Variants in ABCC9 observed in about 807,000 individuals in gnomAD.
ABCC9 encodes the protein ATP-binding cassette sub-family C member 9.
In ABCC9, 95 loss-of-function variants were observed where a neutral mutation model predicts 188.3. That is an observed-to-expected ratio of 0.50 (90% CI 0.43 to 0.60). The LOEUF is 0.60. Ranked by LOEUF, ABCC9 falls within the 20% of genes least tolerant of loss-of-function variation. The pLI, the probability that ABCC9 is intolerant of heterozygous loss-of-function variation, is 0.00. For missense variants in ABCC9, 1,102 were observed against 1,876.3 expected, an observed-to-expected ratio of 0.59 and a Z score of 7.62; for synonymous variants, 659 against 652.7, an observed-to-expected ratio of 1.01 and a Z score of -0.15.
chr12:21,856,957 C>T (rs1260035792), intron 22 of ABCC9, among the ~76,000 whole-genome samples: 2 of 152,178 alleles, frequency 1.3e-5, no homozygotes. Flanking sequence ...CCGCATTTAG[C>T]TTGAGGATAC....
At chr12:21,818,486 C>CTATCTA (rs1942810624) in intron 31 of ABCC9, among the ~76,000 whole-genome samples, 1 of 136,066 alleles carries the variant, frequency 7.3e-6, no homozygotes, top group African/African-American at 2.8e-5. Context: ...CTATATCTAT[C>CTATCTA]TATATATATA....
chr12:21,841,585 C>G (rs968795220), intron 29 of ABCC9, among the ~76,000 whole-genome samples: 3 of 151,774 alleles, frequency 2.0e-5, no homozygotes, highest in Non-Finnish European at 4.4e-5. Flanking sequence ...TCTCGAACTC[C>G]TGACCTCACG....
chr12:21,936,725 C>G (rs113783657), intron 2 of ABCC9, 31 bp from the exon 3 acceptor site: 1 of 1,504,756 alleles, frequency 6.6e-7, no homozygotes, highest in East Asian at 2.3e-5. Flanking sequence ...AAAGAAAAAT[C>G]CTCTTATTAG....
chr12:21,803,672 AAAAC>A (rs1374997130), intron 39 of ABCC9, among the ~76,000 whole-genome samples: 15 of 152,096 alleles, frequency 9.9e-5, no homozygotes, highest in Admixed American at 7.9e-4. Context: ...AAAAAAAAAA[AAAAC>A]ATTGAAAAAT....
At chr12:21,859,920 C>T (rs1945420548) in intron 21 of ABCC9, among the ~76,000 whole-genome samples, 1 of 152,072 alleles carries the variant, frequency 6.6e-6, no homozygotes, top group Non-Finnish European at 1.5e-5. Flanking sequence ...TGTACAGAAG[C>T]ATTAATAACC....
At chr12:21,864,354 A>G (rs1945678525) in intron 19 of ABCC9, 85 bp downstream of exon 19, 1 of 1,030,888 alleles carries the variant, frequency 9.7e-7, no homozygotes, top group Admixed American at 1.8e-5. Flanking sequence ...ATACATTATC[A>G]GAGTAAGCAA....
At chr12:21,828,276 TACCAGG>T (rs1943508952) in intron 31 of ABCC9, 1 of 153,824 alleles carries the variant, frequency 6.5e-6, no homozygotes, top group African/African-American at 2.4e-5. Flanking sequence ...ATGAACCCCC[TACCAGG>T]GCAGGTACAA....
intron 17 of ABCC9, 151 bp from the exon 18 acceptor site, chr12:21,872,881 A>T (rs1057039307): frequency 1.2e-5 from 7 of 595,228 alleles, no homozygotes; most frequent in Non-Finnish European, 2.1e-5. Flanking sequence ...CCTTTCTCTG[A>T]TAAGTCTTTT....
intron 30 of ABCC9, among the ~76,000 whole-genome samples, chr12:21,830,895 A>G (rs1943714329): frequency 6.6e-6 from 1 of 152,142 alleles, no homozygotes. Context: ...AGGGATGAAT[A>G]TAGAGAACAA....
intron 22 of ABCC9, among the ~76,000 whole-genome samples, chr12:21,856,765 A>G (rs1945247401): frequency 6.6e-6 from 1 of 152,236 alleles, no homozygotes. Flanking sequence ...GAATAAAGAA[A>G]GGATAACAGG....
chr12:21,814,590 T>A (rs1942480032), intron 35 of ABCC9, 54 bp downstream of exon 35: 2 of 1,454,804 alleles, frequency 1.4e-6, no homozygotes, highest in Non-Finnish European at 1.9e-6. Context: ...AAATTGATGT[T>A]TTTTTAAAGG....
chr12:21,900,256 T>C (rs976713139), intron 12 of ABCC9, among the ~76,000 whole-genome samples: 2 of 152,110 alleles, frequency 1.3e-5, no homozygotes, highest in Non-Finnish European at 2.9e-5. Flanking sequence ...GTCCTGATTA[T>C]TAGAAGGAAA....
intron 16 of ABCC9, 132 bp downstream of exon 16, chr12:21,882,634 A>T: frequency 2.6e-6 from 2 of 761,772 alleles, no homozygotes; most frequent in Admixed American, 5.6e-5. Context: ...TTTTTTTTTA[A>T]ATGTTATTAG....
At chr12:21,846,007 AAATG>A (rs1375441989) in intron 25 of ABCC9, among the ~76,000 whole-genome samples, 175 bp from the exon 26 acceptor site, 2 of 152,172 alleles carry the variant, frequency 1.3e-5, no homozygotes, top group East Asian at 3.8e-4. Flanking sequence ...AATAGGTGAA[AAATG>A]AATGAATGAA....
chr12:21,931,782 G>A (rs1056971566), intron 4 of ABCC9, among the ~76,000 whole-genome samples: 1 of 152,106 alleles, frequency 6.6e-6, no homozygotes, highest in Admixed American at 6.6e-5. Flanking sequence ...GGCTATGCTA[G>A]TATAAATAAA....
intron 18 of ABCC9, among the ~76,000 whole-genome samples, chr12:21,865,789 A>C (rs781042951): frequency 1.3e-5 from 2 of 152,196 alleles, no homozygotes; most frequent in African/African-American, 2.4e-5. Context: ...CAGTTAAAAA[A>C]TATGCATTGA....
chr12:21,933,431 T>C (rs188506381), intron 4 of ABCC9, among the ~76,000 whole-genome samples: 2 of 152,180 alleles, frequency 1.3e-5, no homozygotes, highest in African/African-American at 4.8e-5. Flanking sequence ...AGTTTTGTGG[T>C]TTGCATCAAT....
chr12:21,896,970 G>A (rs1947460822), intron 12 of ABCC9, among the ~76,000 whole-genome samples: 1 of 152,144 alleles, frequency 6.6e-6, no homozygotes. Context: ...GGTATTTCTG[G>A]TTCTAGGTTT....
rs1283425674 is a variant in ABCC9 at position 21,845,796 on chromosome 12, G to A, written c.2903C>T (p.Ser968Phe). The A allele has an allele frequency of 6.2e-7, 1 of 1,613,596 alleles. No individual in the cohort carries two copies. The highest frequency in any genetic ancestry group is 1.3e-5 in the African/African-American group (1 of 74,892). ...TTTAGTCCTGAGCCTCATTACAGTG[G>A]ACATGTTATCATCCTCATCTTCCTC... The part of the protein sequence containing the change: ...EEEEDEDDNM[S>F]TVMRLRTKMP... The change falls in exon 26 of 40, where the codon TCC becomes TTC. Residue 968 changes from serine to phenylalanine, a missense_variant. Ser to Phe is a radical substitution (Grantham distance 155). This residue lies in a region of ABCC9 where 131 missense variants were observed against 170.2 expected (regional missense o/e 0.77). Transcript: ENST00000261200.
Sources: gnomAD v4.1 joint callset for allele counts (sites outside exome capture counted in the v4.1 genomes callset) on GRCh38, gnomAD v4.1.1 for gene constraint, gnomAD v4.1.1 regional missense constraint, MANE v1.5 for transcripts, NCBI Gene and HGNC (gene_info 2026-07-23, HGNC 2026-07-21) for gene names.